Variants in NR3C2 observed in about 807,000 individuals in gnomAD.
NR3C2 encodes the protein nuclear receptor subfamily 3 group C member 2, also known as mineralocorticoid receptor.
Under a neutral mutation model 86.4 loss-of-function variants are expected in NR3C2, and 15 were observed. That is an observed-to-expected ratio of 0.17 (90% CI 0.12 to 0.27). The LOEUF (loss-of-function observed/expected upper bound fraction) is 0.27. NR3C2 is among the 10% of genes least tolerant of loss of function. The probability of loss-of-function intolerance (pLI) is 1.00; values close to 1 mark genes in which losing one functional copy is unlikely to be tolerated. For synonymous variants in NR3C2, 458 were observed against 450.5 expected (o/e 1.02, Z -0.21); for missense variants, 960 against 1,195.6 (o/e 0.80, Z 2.91).
At chr4:148,163,405 T>C (rs1234303675) in intron 4 of NR3C2, among the ~76,000 whole-genome samples, 1 of 152,178 alleles carries the variant, frequency 6.6e-6, no homozygotes, top group Non-Finnish European at 1.5e-5. Flanking sequence ...GCTCATACTT[T>C]TCTGAAAAAC....
At chr4:148,350,365 A>T (rs1225517980) in intron 2 of NR3C2, among the ~76,000 whole-genome samples, 1 of 152,204 alleles carries the variant, frequency 6.6e-6, no homozygotes, top group African/African-American at 2.4e-5. Context: ...TGCTATTCAT[A>T]ACATGTAAGA....
chr4:148,296,300 T>C (rs935135807), intron 2 of NR3C2, among the ~76,000 whole-genome samples: 12 of 152,058 alleles, frequency 7.9e-5, no homozygotes, highest in Admixed American at 7.9e-4. Flanking sequence ...TTTCTGGGAA[T>C]TGACCCAAAA....
chr4:148,301,509 C>T (rs1742335141), intron 2 of NR3C2, among the ~76,000 whole-genome samples: 1 of 152,194 alleles, frequency 6.6e-6, no homozygotes, highest in Admixed American at 6.5e-5. Flanking sequence ...CATGTGTGAA[C>T]ATACTGACTA....
chr4:148,105,207 C>T (rs536021036), intron 8 of NR3C2, among the ~76,000 whole-genome samples: 4 of 152,264 alleles, frequency 2.6e-5, no homozygotes, highest in African/African-American at 9.6e-5. Context: ...AAGGGGACAT[C>T]ACCACTGATC....
At chr4:148,152,426 ACT>A (rs1249760883) in intron 6 of NR3C2, 41 bp downstream of exon 6, 18 of 1,588,518 alleles carry the variant, frequency 1.1e-5, no homozygotes, top group Non-Finnish European at 1.6e-5. Flanking sequence ...ATAACGCATA[ACT>A]CTGCAGTTTA....
upstream of NR3C2, chr4:148,443,073 TC>T: frequency 1.5e-6 from 1 of 670,018 alleles, no homozygotes; most frequent in Non-Finnish European, 1.8e-6. Flanking sequence ...TTCCACTGTC[TC>T]CAGAGTTACC....
At chr4:148,319,991 T>C (rs1335527269) in intron 2 of NR3C2, among the ~76,000 whole-genome samples, 1 of 147,622 alleles carries the variant, frequency 6.8e-6, no homozygotes, top group Non-Finnish European at 1.5e-5. Flanking sequence ...TTTTGCCCAT[T>C]CAGTATGATA....
chr4:148,368,595 T>G (rs1746266202), intron 2 of NR3C2: 1 of 152,154 alleles, frequency 6.6e-6, no homozygotes, highest in Admixed American at 6.6e-5. Context: ...CCCTAGCTAT[T>G]GCATGCACAA....
At chr4:148,422,692 T>C (rs1749340257) in intron 2 of NR3C2, among the ~76,000 whole-genome samples, 2 of 152,148 alleles carry the variant, frequency 1.3e-5, no homozygotes, top group South Asian at 4.1e-4. Context: ...TGTCACTATT[T>C]CTAATTCATT....
intron 2 of NR3C2, among the ~76,000 whole-genome samples, chr4:148,424,256 T>C (rs112211692): frequency 3.5e-4 from 53 of 152,312 alleles, no homozygotes; most frequent in African/African-American, 1.1e-3. Context: ...TCCCTACACA[T>C]GTACTATAAT....
chr4:148,287,437 T>C (rs1457328011), intron 2 of NR3C2, among the ~76,000 whole-genome samples: 1 of 152,218 alleles, frequency 6.6e-6, no homozygotes, highest in Non-Finnish European at 1.5e-5. Context: ...TTTAGATTTA[T>C]ATAATTAACC....
chr4:148,347,955 A>G (rs1466354045), intron 2 of NR3C2, among the ~76,000 whole-genome samples: 1 of 152,130 alleles, frequency 6.6e-6, no homozygotes, highest in Non-Finnish European at 1.5e-5. Flanking sequence ...TGCCTATTTT[A>G]CAGATGAAAA....
intron 3 of NR3C2, among the ~76,000 whole-genome samples, chr4:148,223,396 T>G (rs1224363891): frequency 2.0e-5 from 3 of 152,204 alleles, no homozygotes; most frequent in Admixed American, 1.3e-4. Flanking sequence ...ATTCTCCAAC[T>G]AGACCATAAA....
At chr4:148,198,478 A>G (rs10012283) in intron 3 of NR3C2, among the ~76,000 whole-genome samples, 6,316 of 152,198 alleles carry the variant, frequency 0.041, 429 homozygotes, top group African/African-American at 0.14. Context: ...AGGAGAAAGC[A>G]CAATGAAAAG....
intron 2 of NR3C2, among the ~76,000 whole-genome samples, chr4:148,296,473 C>G (rs1036425374): frequency 6.6e-6 from 1 of 152,012 alleles, no homozygotes; most frequent in Admixed American, 6.6e-5. Flanking sequence ...GACATTACAC[C>G]TTTCATAATC....
intron 8 of NR3C2, among the ~76,000 whole-genome samples, chr4:148,104,883 G>A (rs939923056): frequency 2.0e-5 from 3 of 152,206 alleles, no homozygotes; most frequent in Non-Finnish European, 4.4e-5. Flanking sequence ...TCTGTTGTCC[G>A]CAGTGGTCTC....
At chr4:148,171,087 A>G (rs530139786) in intron 4 of NR3C2, among the ~76,000 whole-genome samples, 2 of 152,340 alleles carry the variant, frequency 1.3e-5, no homozygotes, top group East Asian at 3.9e-4. Context: ...GTTAAAAAGA[A>G]TATTTGTTCC....
chr4:148,427,301 G>A (rs1039670945), intron 2 of NR3C2, among the ~76,000 whole-genome samples: 1 of 152,030 alleles, frequency 6.6e-6, no homozygotes, highest in Non-Finnish European at 1.5e-5. Context: ...ATAACATGAT[G>A]TTTTTGCCGA....
At chr4:148,315,076 TA>T (rs1255152092) in intron 2 of NR3C2, among the ~76,000 whole-genome samples, 2 of 152,238 alleles carry the variant, frequency 1.3e-5, no homozygotes, top group Non-Finnish European at 2.9e-5. Context: ...GTTCATTTTT[TA>T]AAAACAGCTT....
Sources: allele counts gnomAD v4.1 joint callset (sites outside exome capture counted in the v4.1 genomes callset), GRCh38; gene constraint gnomAD v4.1.1; transcripts MANE v1.5; gene names NCBI Gene and HGNC (gene_info 2026-07-23, HGNC 2026-07-21).